Variants in AGPS observed in about 807,000 individuals in gnomAD.
The protein encoded by AGPS is alkylglycerone phosphate synthase, also known as alkyldihydroxyacetonephosphate synthase, peroxisomal.
A neutral mutation model predicts 90.7 loss-of-function variants in AGPS; 26 were observed. That is an observed-to-expected ratio of 0.29 (90% CI 0.21 to 0.40). AGPS has a LOEUF of 0.40. AGPS is among the 10% of genes least tolerant of loss of function. The pLI is 1.00. For synonymous variants in AGPS, 294 were observed against 285.3 expected, an observed-to-expected ratio of 1.03 and a Z score of -0.31; for missense variants, 540 against 816.1, an observed-to-expected ratio of 0.66 and a Z score of 4.12.
At chr2:177,441,177 G>C in intron 6 of AGPS, 141 bp downstream of exon 6, 1 of 731,420 alleles carries the variant, frequency 1.4e-6, no homozygotes, top group Non-Finnish European at 2.3e-6. Flanking sequence ...GGTCAATGAT[G>C]CTCATTTTTG....
chr2:177,425,639 A>AG (rs1256031441), intron 2 of AGPS, among the ~76,000 whole-genome samples: 5 of 149,656 alleles, frequency 3.3e-5, no homozygotes, highest in Non-Finnish European at 7.4e-5. Context: ...AAAAAAAAAA[A>AG]AAAAAGGAAA....
In AGPS at chr2:177,437,027, C is replaced by CG; in HGVS notation, c.611dup (p.Ile205AsnfsTer3). The CG allele has an allele frequency of 6.2e-7, 1 of 1,613,338 alleles. No individual in the cohort carries two copies. The highest frequency in any genetic ancestry group is 8.5e-7 in the Non-Finnish European group (1 of 1,179,712). On this transcript the variant is annotated frameshift_variant, in exon 5 of 20. Coordinates refer to ENST00000264167, the MANE Select transcript of AGPS (RefSeq NM_003659.4). LOFTEE classifies it high-confidence loss of function. ...TTTGCTCAGGGAAGGAATGTTTGAGCGAATTCCTGATATAGTTTTATGGCC... is the reference window on the plus strand; with the variant it reads ...TTTGCTCAGGGAAGGAATGTTTGAGCGGAATTCCTGATATAGTTTTATGGCC...
At chr2:177,443,420 A>AACT (rs1686673266) in intron 7 of AGPS, among the ~76,000 whole-genome samples, 1 of 152,196 alleles carries the variant, frequency 6.6e-6, no homozygotes, top group African/African-American at 2.4e-5. Context: ...TGTAGTATAG[A>AACT]ATGTCATATT....
chr2:177,517,499 C>T (rs1039049593), intron 17 of AGPS, among the ~76,000 whole-genome samples: 2 of 152,024 alleles, frequency 1.3e-5, no homozygotes, highest in South Asian at 2.1e-4. Flanking sequence ...CTTTTAACTT[C>T]GAGGGAGTTT....
At chr2:177,426,315 A>T (rs1047202907) in intron 2 of AGPS, among the ~76,000 whole-genome samples, 2 of 152,178 alleles carry the variant, frequency 1.3e-5, no homozygotes, top group African/African-American at 4.8e-5. Context: ...GGTTTTCTAG[A>T]TACAGGATCA....
At chr2:177,423,143 C>G (rs1685983401) in intron 2 of AGPS, among the ~76,000 whole-genome samples, 1 of 73,472 alleles carries the variant, frequency 1.4e-5, no homozygotes, top group African/African-American at 3.8e-5. Context: ...GTTCTGTCTT[C>G]AAACCCTGGG....
chr2:177,424,431 A>G (rs947438458), intron 2 of AGPS, among the ~76,000 whole-genome samples: 21 of 136,078 alleles, frequency 1.5e-4, no homozygotes, highest in African/African-American at 5.8e-4. Flanking sequence ...ATATGCATGC[A>G]TATATCTTTA....
At chr2:177,480,885 G>T (rs1687924702) in intron 10 of AGPS, among the ~76,000 whole-genome samples, 1 of 151,948 alleles carries the variant, frequency 6.6e-6, no homozygotes, top group Non-Finnish European at 1.5e-5. Flanking sequence ...TTTAAATTTT[G>T]TAAGACATAT....
chr2:177,517,237 T>C (rs1003590319), intron 17 of AGPS, among the ~76,000 whole-genome samples: 1 of 152,122 alleles, frequency 6.6e-6, no homozygotes, highest in Admixed American at 6.5e-5. Context: ...ATATATTATA[T>C]ATATGATTTA....
intron 1 of AGPS, among the ~76,000 whole-genome samples, chr2:177,416,247 T>C (rs774148689): frequency 6.6e-6 from 1 of 152,176 alleles, no homozygotes; most frequent in Non-Finnish European, 1.5e-5. Context: ...TTTATAATAG[T>C]AAGGCTAAAT....
chr2:177,468,299 A>T (rs1210605963), intron 9 of AGPS, 117 bp from the exon 10 acceptor site: 1 of 579,456 alleles, frequency 1.7e-6, no homozygotes, highest in Non-Finnish European at 3.1e-6. Flanking sequence ...ATCACAATTT[A>T]TTACTTAACC....
chr2:177,433,230 C>G (rs1271573311), intron 2 of AGPS, among the ~76,000 whole-genome samples: 4 of 152,120 alleles, frequency 2.6e-5, no homozygotes, highest in Non-Finnish European at 4.4e-5. Context: ...GAGCAAAAGA[C>G]TTGAACTGGC....
chr2:177,510,362 C>T (rs1420647284), intron 16 of AGPS, among the ~76,000 whole-genome samples: 1 of 152,168 alleles, frequency 6.6e-6, no homozygotes. Flanking sequence ...GCTCCACCCA[C>T]AGGACCTAAT....
chr2:177,408,197 A>C (rs184146193), intron 1 of AGPS, among the ~76,000 whole-genome samples: 2 of 152,326 alleles, frequency 1.3e-5, no homozygotes, highest in East Asian at 3.9e-4. Flanking sequence ...TGTCAGTATC[A>C]CACACATGAT....
intron 3 of AGPS, 60 bp downstream of exon 3, chr2:177,434,477 T>C (rs1481299037): frequency 8.1e-7 from 1 of 1,236,366 alleles, no homozygotes; most frequent in East Asian, 2.4e-5. Context: ...CCAAATTAAT[T>C]TGATTTATCT....
intron 12 of AGPS, among the ~76,000 whole-genome samples, chr2:177,496,314 T>A (rs1455200858): frequency 6.6e-6 from 1 of 152,196 alleles, no homozygotes; most frequent in African/African-American, 2.4e-5. Flanking sequence ...AACATGCACA[T>A]TCAATATATA....
chr2:177,493,502 A>G (rs1214357833), intron 12 of AGPS, among the ~76,000 whole-genome samples: 1 of 152,190 alleles, frequency 6.6e-6, no homozygotes, highest in Non-Finnish European at 1.5e-5. Context: ...TAAATCTTCA[A>G]AGGTGAATAT....
chr2:177,486,205 T>G (rs1308107115), intron 11 of AGPS, among the ~76,000 whole-genome samples: 1 of 152,154 alleles, frequency 6.6e-6, no homozygotes, highest in Admixed American at 6.5e-5. Flanking sequence ...TTGCTAAGAG[T>G]AGTTACTGGG....
At chr2:177,471,135 C>G (rs1456464847) in intron 10 of AGPS, among the ~76,000 whole-genome samples, 1 of 152,108 alleles carries the variant, frequency 6.6e-6, no homozygotes, top group Non-Finnish European at 1.5e-5. Flanking sequence ...CAGGAGACAG[C>G]ATGATTGAAA....
Sources: gnomAD v4.1 joint callset for allele counts (sites outside exome capture counted in the v4.1 genomes callset) on GRCh38, gnomAD v4.1.1 for gene constraint, MANE v1.5 for transcripts, NCBI Gene and HGNC (gene_info 2026-07-23, HGNC 2026-07-21) for gene names.